Variants in ERBIN observed in about 807,000 individuals in gnomAD.
The protein encoded by ERBIN is erbb2 interacting protein.
ERBIN carries 60 observed loss-of-function variants against 158.4 expected under a neutral mutation model. That is an observed-to-expected ratio of 0.38 (90% confidence interval 0.31 to 0.47). The LOEUF (loss-of-function observed/expected upper bound fraction) is 0.47. ERBIN is among the 20% of genes least tolerant of loss of function. The pLI, the probability that ERBIN is intolerant of heterozygous loss-of-function variation, is 0.99. For missense variants in ERBIN, 1,610 were observed against 1,648.0 expected (o/e 0.98, Z 0.40); for synonymous variants, 594 against 557.2 (o/e 1.07, Z -0.93).
chr5:66,018,786 G>A (rs1046261004), intron 7 of ERBIN, among the ~76,000 whole-genome samples: 19 of 148,314 alleles, frequency 1.3e-4, no homozygotes, highest in Admixed American at 2.1e-4. Flanking sequence ...ACAGGCGCCC[G>A]CCACTACTCC....
At chr5:66,032,639 A>C (rs926049453) in intron 14 of ERBIN, among the ~76,000 whole-genome samples, 1 of 152,188 alleles carries the variant, frequency 6.6e-6, no homozygotes, top group Non-Finnish European at 1.5e-5. Context: ...TTTTGGCTGC[A>C]TGGTGGAAGA....
At position 66,078,799 on chromosome 5, in the gene ERBIN, T is replaced by C; in HGVS notation, c.*269T>C. ...CTACAAAAACAAACCTGTGTTGTTT[T>C]TGTATAGATTGTAGGTTTATTTTTG... On this transcript the variant is annotated 3_prime_UTR_variant, in exon 26 of 26. Transcript: ENST00000284037. 2.7e-6 allele frequency: 1 copy of C among 373,118 alleles called. No homozygotes were observed. The highest frequency in any genetic ancestry group is 3.4e-5 in the South Asian group (1 of 29,824). 23.1% of individuals were successfully genotyped at this position (373,118 alleles called of 1,614,324 possible). A position where few individuals can be genotyped will look rare whatever the true frequency, so the allele number is the denominator to read the frequency against.
chr5:66,019,548 T>G (rs944051306), intron 7 of ERBIN, among the ~76,000 whole-genome samples: 5 of 152,170 alleles, frequency 3.3e-5, no homozygotes, highest in African/African-American at 9.6e-5. Flanking sequence ...TAGGATGCAG[T>G]TTTATTTCTG....
At chr5:65,930,567 C>G (rs1463343439) in intron 1 of ERBIN, among the ~76,000 whole-genome samples, 1 of 152,252 alleles carries the variant, frequency 6.6e-6, no homozygotes. Context: ...CTCGGCCTCT[C>G]AAAGTGCTGG....
chr5:66,023,505 C>T (rs1755913095), intron 9 of ERBIN, 141 bp downstream of exon 9: 1 of 505,164 alleles, frequency 2.0e-6, no homozygotes, highest in Non-Finnish European at 3.5e-6. Context: ...TACTTTTTTT[C>T]ATGAGCACAT....
At chr5:66,004,086 C>T (rs550020865) in intron 4 of ERBIN, among the ~76,000 whole-genome samples, 42 of 150,548 alleles carry the variant, frequency 2.8e-4, no homozygotes, top group Non-Finnish European at 4.4e-4. Flanking sequence ...TACAGGTGTG[C>T]ACCACCATGC....
chr5:65,951,785 CATTT>C (rs1487004238), intron 1 of ERBIN, among the ~76,000 whole-genome samples: 6 of 152,152 alleles, frequency 3.9e-5, no homozygotes, highest in Admixed American at 6.5e-5. Flanking sequence ...TAAACTATAA[CATTT>C]ATTTAAATTT....
At chr5:66,027,130 C>A (rs903954278) in intron 13 of ERBIN, among the ~76,000 whole-genome samples, 7 of 151,928 alleles carry the variant, frequency 4.6e-5, no homozygotes, top group African/African-American at 1.7e-4. Context: ...GTGAAGTCTT[C>A]AAAACAGCTC....
intron 15 of ERBIN, 84 bp downstream of exon 15, chr5:66,038,566 T>C (rs1757621071): frequency 1.7e-5 from 18 of 1,037,906 alleles, no homozygotes; most frequent in Admixed American, 2.5e-5. Context: ...TCAGAGACTT[T>C]TACCAGTTTG....
chr5:66,068,339 A>T (rs190433013), intron 21 of ERBIN, among the ~76,000 whole-genome samples: 8,767 of 151,876 alleles, frequency 0.058, 870 homozygotes, highest in African/African-American at 0.2. Context: ...AAAAAAAAAA[A>T]ATTTTTGAAG....
chr5:65,957,508 C>T (rs553825375), intron 1 of ERBIN, among the ~76,000 whole-genome samples: 51 of 152,114 alleles, frequency 3.4e-4, no homozygotes, highest in African/African-American at 1.1e-3. Flanking sequence ...AGACACAGCA[C>T]GTTTCAGAGA....
chr5:66,015,958 T>C (rs555649605), intron 7 of ERBIN, among the ~76,000 whole-genome samples: 1 of 152,346 alleles, frequency 6.6e-6, no homozygotes, highest in East Asian at 1.9e-4. Flanking sequence ...ATTTGCTGGA[T>C]AATGTTAATG....
At position 66,012,079 on chromosome 5, in the gene ERBIN, A is replaced by G; in HGVS notation, c.338A>G (p.Asn113Ser). The G allele has an allele frequency of 6.2e-7, 1 of 1,606,862 alleles. No individual in the cohort carries two copies. The highest frequency in any genetic ancestry group is 1.3e-5 in the African/African-American group (1 of 74,758). Residue 113 changes from asparagine (N) to serine (S), a missense_variant, in exon 5 of 26, where the codon AAT (asparagine) becomes AGT (serine). Physicochemically the swap from Asn to Ser is conservative, Grantham distance 46. Transcript: ENST00000284037. The stretch of plus-strand genomic sequence containing the variant: ...CAGGAGTTTCCAGAAAATATAAAAA[A>G]TTGTAAAGTTTTGACAATTGTGGAG... ...GIQEFPENIK[N>S]CKVLTIVEAS...
intron 1 of ERBIN, among the ~76,000 whole-genome samples, chr5:65,944,326 C>T (rs772515179): frequency 6.6e-6 from 1 of 150,810 alleles, no homozygotes; most frequent in Non-Finnish European, 1.5e-5. Context: ...CCAACACTTG[C>T]TATTTTGTTT....
intron 2 of ERBIN, among the ~76,000 whole-genome samples, chr5:65,990,695 A>C (rs1398460788): frequency 6.6e-6 from 1 of 151,374 alleles, no homozygotes; most frequent in South Asian, 2.1e-4. Context: ...GAGAGTCTGC[A>C]TGTAGTTTAT....
intron 7 of ERBIN, among the ~76,000 whole-genome samples, chr5:66,018,080 T>TGTAGTACAATTTGAAGTCTA (rs1444802673): frequency 1.3e-5 from 2 of 152,064 alleles, no homozygotes; most frequent in Non-Finnish European, 1.5e-5. Context: ...ACTATGGCTT[T>TGTAGTACAATTTGAAGTCTA]GTAGTACAAT....
chr5:65,982,853 A>G (rs1750801265), intron 1 of ERBIN, among the ~76,000 whole-genome samples: 1 of 152,222 alleles, frequency 6.6e-6, no homozygotes, highest in African/African-American at 2.4e-5. Context: ...ATGTGTTCTT[A>G]TAACGCTTGT....
At chr5:65,969,804 A>G (rs1012393205) in intron 1 of ERBIN, among the ~76,000 whole-genome samples, 2 of 152,214 alleles carry the variant, frequency 1.3e-5, no homozygotes, top group Admixed American at 6.5e-5. Flanking sequence ...TTCTAGGAAC[A>G]GTAGTTTCAG....
intron 1 of ERBIN, among the ~76,000 whole-genome samples, chr5:65,986,433 T>A (rs964638522): frequency 6.6e-6 from 1 of 152,170 alleles, no homozygotes; most frequent in Admixed American, 6.5e-5. Flanking sequence ...AGCTTTGTTG[T>A]TGTTGTTTTT....
Sources: allele counts gnomAD v4.1 joint callset (sites outside exome capture counted in the v4.1 genomes callset), GRCh38; gene constraint gnomAD v4.1.1; transcripts MANE v1.5; gene names NCBI Gene and HGNC (gene_info 2026-07-23, HGNC 2026-07-21).